Variants in MCU observed in about 807,000 individuals in gnomAD.
MCU encodes mitochondrial calcium uniporter.
A neutral mutation model predicts 45.2 loss-of-function variants in MCU; 12 were observed. That is an observed-to-expected ratio of 0.27 (90% CI 0.17 to 0.43). The LOEUF is 0.43. Among genes scored for constraint, MCU ranks in the 20% least tolerant of loss-of-function variants. The probability of loss-of-function intolerance (pLI) is 1.00; values close to 1 mark genes in which losing one functional copy is unlikely to be tolerated. For synonymous variants in MCU, 160 were observed against 165.1 expected (o/e 0.97, Z 0.24); for missense variants, 324 against 436.7 (o/e 0.74, Z 2.30).
intron 1 of MCU, among the ~76,000 whole-genome samples, chr10:72,767,751 T>TG (rs970814242): frequency 1.3e-5 from 2 of 152,150 alleles, no homozygotes; most frequent in Non-Finnish European, 2.9e-5. Flanking sequence ...TTTCCCTTTT[T>TG]GGGGGGATGA....
intron 2 of MCU, among the ~76,000 whole-genome samples, chr10:72,841,979 TC>T (rs2132845641): frequency 6.6e-6 from 1 of 152,354 alleles, no homozygotes; most frequent in East Asian, 1.9e-4. Context: ...GAATGAGTAA[TC>T]TAATTCAAGA....
chr10:72,870,112 A>AT (rs989849015), intron 5 of MCU, among the ~76,000 whole-genome samples: 2 of 151,970 alleles, frequency 1.3e-5, no homozygotes, highest in African/African-American at 4.8e-5. Context: ...TGTTACCTTT[A>AT]TTTTTTTCTA....
chr10:72,708,083 T>C lies in MCU; in HGVS notation c.150+15782T>C, dbSNP rs180761265. The stretch of plus-strand genomic sequence containing the variant: ...TGTGTAAAATCATAAACTCAGGTAT[T>C]GTGTATTTGCTTATTCTCACAAGGG... On this transcript the variant is annotated intron_variant, in intron 1 of 7. Transcript: ENST00000373053. Among the ~76,000 whole-genome samples the C allele has an allele frequency of 3.1e-3, 473 of 152,352 alleles. 2 individuals are homozygous for C. Among genetic ancestry groups the C allele is most frequent in the African/African-American group, 0.011 (440 of 41,580 alleles).
chr10:72,829,438 C>T (rs1018430728), intron 1 of MCU, among the ~76,000 whole-genome samples: 4 of 150,880 alleles, frequency 2.7e-5, no homozygotes, highest in Non-Finnish European at 5.9e-5. Flanking sequence ...ACTTAATTAA[C>T]TTTACTTAAC....
At chr10:72,829,047 G>A (rs1165482868) in intron 1 of MCU, among the ~76,000 whole-genome samples, 3 of 152,148 alleles carry the variant, frequency 2.0e-5, no homozygotes, top group African/African-American at 7.2e-5. Context: ...GAGGCCGGGC[G>A]CCTTGGCTAA....
chr10:72,750,884 T>C (rs1243253403), intron 1 of MCU, among the ~76,000 whole-genome samples: 8 of 152,278 alleles, frequency 5.3e-5, no homozygotes, highest in Non-Finnish European at 2.9e-5. Flanking sequence ...AAATAGTTTA[T>C]AACATTTATG....
At chr10:72,770,011 T>C (rs1189256118) in intron 1 of MCU, among the ~76,000 whole-genome samples, 1 of 152,238 alleles carries the variant, frequency 6.6e-6, no homozygotes, top group Non-Finnish European at 1.5e-5. Context: ...TTCATTCATC[T>C]CAAAATCGTT....
At chr10:72,735,088 A>G (rs924030400) in intron 1 of MCU, among the ~76,000 whole-genome samples, 2 of 145,536 alleles carry the variant, frequency 1.4e-5, no homozygotes, top group Non-Finnish European at 3.0e-5. Context: ...AAAAAAAAAA[A>G]TTCGTCTGTG....
chr10:72,804,082 A>T (rs1302075599), intron 1 of MCU, among the ~76,000 whole-genome samples: 1 of 76,764 alleles, frequency 1.3e-5, no homozygotes, highest in Admixed American at 1.4e-4. Context: ...ATAAAATAAG[A>T]GTGCCAACAA....
intron 4 of MCU, among the ~76,000 whole-genome samples, chr10:72,868,109 T>A (rs1367639475): frequency 6.6e-6 from 1 of 152,150 alleles, no homozygotes; most frequent in Non-Finnish European, 1.5e-5. Flanking sequence ...TCATTATTAT[T>A]TGTATTATTT....
Position 72,692,197 on chromosome 10 carries a change from CGGGGCGGCGGCGGCG to C in MCU, c.53_67del (p.Gly18_Gly22del). The C allele has an allele frequency of 7.9e-7, 1 of 1,265,724 alleles. No individual in the cohort carries two copies. The highest frequency in any genetic ancestry group is 1.0e-6 in the Non-Finnish European group (1 of 998,958). 78.4% of individuals were successfully genotyped at this position (1,265,724 alleles called of 1,614,324 possible). A position where few individuals can be genotyped will look rare whatever the true frequency, so the allele number is the denominator to read the frequency against. ...ATCGCTCCTGCTGCTCCTCTCCTCT[CGGGGCGGCGGCGGCG>C]GGGGCGCCGGCGGCTGCGGGGCGCT... On this transcript the variant is annotated inframe_deletion, in exon 1 of 8. Transcript: ENST00000373053.
chr10:72,800,967 G>A (rs1182038913), intron 1 of MCU, among the ~76,000 whole-genome samples: 2 of 152,102 alleles, frequency 1.3e-5, no homozygotes, highest in Non-Finnish European at 2.9e-5. Context: ...GGGCATGGTG[G>A]AACACACCTG....
intron 1 of MCU, among the ~76,000 whole-genome samples, chr10:72,729,226 A>G (rs984366926): frequency 6.6e-6 from 1 of 152,198 alleles, no homozygotes; most frequent in African/African-American, 2.4e-5. Context: ...GCACTTTGGG[A>G]AGCCAAGGCG....
intron 2 of MCU, among the ~76,000 whole-genome samples, chr10:72,835,489 TGCCTAAAACTAAAGAAGCCCAGA>T (rs1844943616): frequency 6.6e-6 from 1 of 152,156 alleles, no homozygotes; most frequent in Admixed American, 6.5e-5. Flanking sequence ...TTTACAAGGG[TGCCTAAAACTAAAGAAGCCCAGA>T]AAATGAATCA....
At chr10:72,784,690 G>A (rs72812228) in intron 1 of MCU, among the ~76,000 whole-genome samples, 8,333 of 152,216 alleles carry the variant, frequency 0.055, 329 homozygotes, top group Non-Finnish European at 0.09. Flanking sequence ...TTCAGTGCAG[G>A]ATGCTAGGGA....
At chr10:72,751,812 A>G (rs1286548210) in intron 1 of MCU, among the ~76,000 whole-genome samples, 1 of 151,098 alleles carries the variant, frequency 6.6e-6, no homozygotes, top group Non-Finnish European at 1.5e-5. Flanking sequence ...ATTCTTGTGC[A>G]GGCCTGCTTG....
chr10:72,696,865 T>C (rs1452538720), intron 1 of MCU, among the ~76,000 whole-genome samples: 1 of 152,180 alleles, frequency 6.6e-6, no homozygotes. Flanking sequence ...AGAATTCCTT[T>C]AAGCTTAGTA....
intron 2 of MCU, among the ~76,000 whole-genome samples, chr10:72,835,007 T>A (rs1376985949): frequency 6.6e-6 from 1 of 152,176 alleles, no homozygotes; most frequent in Non-Finnish European, 1.5e-5. Context: ...AGAAGCACCA[T>A]CTTTGGTGTT....
intron 1 of MCU, among the ~76,000 whole-genome samples, chr10:72,821,609 CA>C (rs1483633169): frequency 2.6e-5 from 4 of 152,064 alleles, no homozygotes; most frequent in Admixed American, 2.6e-4. Context: ...TTTAGGGTGG[CA>C]GCATATTATA....
Sources: allele counts gnomAD v4.1 joint callset (sites outside exome capture counted in the v4.1 genomes callset), GRCh38; gene constraint gnomAD v4.1.1; transcripts MANE v1.5; gene names NCBI Gene and HGNC (gene_info 2026-07-23, HGNC 2026-07-21).